Variants in GPN2 observed in about 807,000 individuals in gnomAD.
The protein encoded by GPN2 is ATP-binding domain 1 family member B.
GPN2 carries 27 observed loss-of-function variants against 30.1 expected under a neutral mutation model. That is an observed-to-expected ratio of 0.90 (90% CI 0.66 to 1.24). The LOEUF is 1.24. GPN2 is among the 50% of genes most tolerant of loss of function. GPN2 has a pLI of 0.00. For missense variants in GPN2, 406 were observed against 405.4 expected (o/e 1.00, Z -0.01); for synonymous variants, 212 against 174.4 (o/e 1.22, Z -1.70).
chr1:26,885,299 C>G (rs1177543542), intron 3 of GPN2, among the ~76,000 whole-genome samples: 4 of 152,170 alleles, frequency 2.6e-5, no homozygotes, highest in Non-Finnish European at 4.4e-5. Flanking sequence ...GTGAGAGGCA[C>G]AGGGGTTGGG....
rs1486025149 is a variant in GPN2, at chr1:26,890,153, C to T, written c.-57G>A. ...ACAGGGAAAACGGGGCAGGTAGCCGCGCCGGAGACGAGACTGAGGGCGAGG... is the reference window on the plus strand; with the variant it reads ...ACAGGGAAAACGGGGCAGGTAGCCGTGCCGGAGACGAGACTGAGGGCGAGG... On this transcript the variant is annotated 5_prime_UTR_variant, in exon 1 of 5. Coordinates refer to ENST00000374135, the MANE Select transcript of GPN2 (RefSeq NM_018066.4). 3.6e-6 allele frequency: 5 copies of T among 1,402,426 alleles called. No individual in the cohort carries two copies. Among genetic ancestry groups the T allele is most frequent in the Non-Finnish European group, 4.7e-6 (5 of 1,064,892 alleles). The allele number at this position is 1,402,426 out of a possible 1,614,324, so 86.9% of individuals were successfully genotyped here.
Position 26,879,418 on chromosome 1 carries a change from C to A in GPN2, c.*259G>T. 1 of 493,432 alleles carries A rather than the reference C, an allele frequency of 2.0e-6. No homozygotes were observed. The highest frequency in any genetic ancestry group is 3.7e-6 in the Non-Finnish European group (1 of 271,120). The allele number at this position is 493,432 out of a possible 1,614,324, so 30.6% of individuals were successfully genotyped here. A position where few individuals can be genotyped will look rare whatever the true frequency, so the allele number is the denominator to read the frequency against. The stretch of plus-strand genomic sequence containing the variant: ...TCTTGTATTGTAGCACATTTCATCA[C>A]AGCCTGACTAGGACCAGTGCTCGAC... On this transcript the variant is annotated 3_prime_UTR_variant, in exon 5 of 5. Transcript: ENST00000374135.
intron 1 of GPN2, 22 bp from the exon 2 acceptor site, chr1:26,889,147 G>C: frequency 1.2e-6 from 2 of 1,604,610 alleles, no homozygotes; most frequent in Non-Finnish European, 1.7e-6. Flanking sequence ...TAGACAGGGT[G>C]AGAGTGGCCT....
At chr1:26,886,813 G>A (rs180804780) in intron 2 of GPN2, among the ~76,000 whole-genome samples, 18 of 150,280 alleles carry the variant, frequency 1.2e-4, no homozygotes, top group East Asian at 9.8e-4. Flanking sequence ...GCAAGACTCC[G>A]TCTCAAAAAA....
chr1:26,885,260 G>A (rs974558667), intron 3 of GPN2, among the ~76,000 whole-genome samples: 4 of 152,262 alleles, frequency 2.6e-5, no homozygotes, highest in Middle Eastern at 3.4e-3. Context: ...ATGCACCTGC[G>A]TCTCCCAGGT....
intron 3 of GPN2, 85 bp from the exon 4 acceptor site, chr1:26,884,375 T>TCTTG: frequency 7.2e-7 from 1 of 1,392,674 alleles, no homozygotes. Context: ...CCTTCCTCCA[T>TCTTG]CTTGCCTCTG....
intron 3 of GPN2, 81 bp downstream of exon 3, chr1:26,885,891 TC>T (rs2081888179): frequency 8.7e-7 from 1 of 1,144,268 alleles, no homozygotes; most frequent in Non-Finnish European, 1.3e-6. Context: ...CAAAGACCAT[TC>T]TTTAAGCCCT....
intron 2 of GPN2, chr1:26,886,350 A>T (rs1171830175): frequency 3.3e-6 from 2 of 607,946 alleles, no homozygotes; most frequent in African/African-American, 3.6e-5. Flanking sequence ...GACTGTTATG[A>T]AGATTAAATG....
Position 26,890,066 on chromosome 1 carries a change from C to T in GPN2, c.31G>A (p.Gly11Arg), listed in dbSNP as rs1384274013. The stretch of plus-strand genomic sequence containing the variant: ...CCCGGCGGGCCGATCACCGCCTGCC[C>T]GAAGGCCGTGGTCGGAGCGGCCCCT... MAGAAPTTAF[G>R]QAVIGPPGSG... The change falls in exon 1 of 5, where the codon GGG (glycine) becomes AGG (arginine). Residue 11 changes from glycine (G) to arginine (R), a missense_variant. Transcript: ENST00000374135. 2 of 1,568,544 alleles carry T rather than the reference C, an allele frequency of 1.3e-6. No homozygotes were observed. Among genetic ancestry groups the T allele is most frequent in the East Asian group, 2.3e-5 (1 of 44,170 alleles).
chr1:26,889,734 G>C lies in GPN2; in HGVS notation c.363C>G (p.His121Gln). ...CPGQVELCTH[H>Q]GALRSIFSQM... ...GGGAGAAGATGCTGCGCAAGGCGCC[G>C]TGATGCGTGCAGAGCTCCACCTGGC... Residue 121 changes from histidine to glutamine, a missense_variant, in exon 1 of 5, where the codon CAC becomes CAG. His to Gln is a conservative substitution (Grantham distance 24). Transcript: ENST00000374135. 2 of 1,608,370 alleles carry C rather than the reference G, an allele frequency of 1.2e-6. No individual in the cohort carries two copies. The highest frequency in any genetic ancestry group is 1.7e-6 in the Non-Finnish European group (2 of 1,176,592).
At position 26,876,957 on chromosome 1, in the gene GPN2, G is replaced by T. The variant is rs1470438018; in HGVS notation, c.*2720C>A. On this transcript the variant is annotated 3_prime_UTR_variant, in exon 5 of 5. Transcript: ENST00000374135. ...GGTGAGAGCTGGGGCCTCTGTGAGT[G>T]GCAAGCATCAAAACCCACGACCACA... 1 of 151,708 alleles carries T rather than the reference G, an allele frequency of 6.6e-6. No individual in the cohort carries two copies. 9.4% of individuals were successfully genotyped at this position (151,708 alleles called of 1,614,324 possible).
intron 4 of GPN2, among the ~76,000 whole-genome samples, chr1:26,880,818 T>C (rs944114613): frequency 7.3e-5 from 11 of 149,670 alleles, no homozygotes; most frequent in Admixed American, 4.6e-4. Flanking sequence ...TGAACCCCTA[T>C]GCCTTTGCAT....
intron 2 of GPN2, among the ~76,000 whole-genome samples, chr1:26,886,793 G>C (rs2081893307): frequency 6.6e-6 from 1 of 151,406 alleles, no homozygotes. Context: ...ACTCCAGCCT[G>C]GGCGACACAG....
rs890226317 is a variant in GPN2, at chr1:26,879,567, C to T, written c.*110G>A. On this transcript the variant is annotated 3_prime_UTR_variant, in exon 5 of 5. Coordinates refer to ENST00000374135, the MANE Select transcript of GPN2 (RefSeq NM_018066.4). ...AGAGCTGAATATCCCCTTGCCAGCCCGCCAGCTCTGGCTGGGAGGACTTGC... is the reference window on the plus strand; with the variant it reads ...AGAGCTGAATATCCCCTTGCCAGCCTGCCAGCTCTGGCTGGGAGGACTTGC... 4.2e-5 allele frequency: 35 copies of T among 826,918 alleles called. No individual in the cohort carries two copies. The East Asian group carries it at 4.8e-4, about 11-fold the overall frequency. The allele number at this position is 826,918 out of a possible 1,614,324, so 51.2% of individuals were successfully genotyped here. A position where few individuals can be genotyped will look rare whatever the true frequency, so the allele number is the denominator to read the frequency against.
chr1:26,884,127 T>C (rs1039046866), intron 4 of GPN2, 33 bp downstream of exon 4: 9 of 1,571,316 alleles, frequency 5.7e-6, no homozygotes, highest in Non-Finnish European at 7.8e-6. Context: ...TGTCTCACCC[T>C]CTCTGCTATG....
In GPN2 at chr1:26,879,448, T is replaced by C. The variant is rs1347307622; in HGVS notation, c.*229A>G. The stretch of plus-strand genomic sequence containing the variant: ...TGACTAGGACCAGTGCTCGACTTTC[T>C]GGTGGCAGGGCCCAGAGCTCACGGA... On this transcript the variant is annotated 3_prime_UTR_variant, in exon 5 of 5. Coordinates refer to ENST00000374135, the MANE Select transcript of GPN2 (RefSeq NM_018066.4). The C allele has an allele frequency of 3.7e-6, 2 of 545,642 alleles. No individual in the cohort carries two copies. Among genetic ancestry groups the C allele is most frequent in the Non-Finnish European group, 3.3e-6 (1 of 300,842 alleles). The allele number at this position is 545,642 out of a possible 1,614,324, so 33.8% of individuals were successfully genotyped here.
chr1:26,885,159 T>C (rs1005177993), intron 3 of GPN2, among the ~76,000 whole-genome samples: 9 of 152,208 alleles, frequency 5.9e-5, no homozygotes, highest in Non-Finnish European at 5.9e-5. Context: ...ATTGATATTA[T>C]AGAGTTCATC....
rs2081842484 is a variant in GPN2 at position 26,877,438 on chromosome 1, ACTAT to A, written c.*2235_*2238del. 6.6e-6 allele frequency: 1 copy of A among 152,234 alleles called. No homozygotes were observed. Among genetic ancestry groups the A allele is most frequent in the African/African-American group, 2.4e-5 (1 of 41,450 alleles). The allele number at this position is 152,234 out of a possible 1,614,324, so 9.4% of individuals were successfully genotyped here. ...TGCCAACTGCCCAAACCACTGGTGA[ACTAT>A]CTATGATTCAGTAATACTTTACAGG... On this transcript the variant is annotated 3_prime_UTR_variant, in exon 5 of 5. Coordinates refer to ENST00000374135, the MANE Select transcript of GPN2 (RefSeq NM_018066.4).
chr1:26,888,525 T>C (rs535998761), intron 2 of GPN2, among the ~76,000 whole-genome samples: 7 of 152,330 alleles, frequency 4.6e-5, no homozygotes, highest in African/African-American at 9.6e-5. Flanking sequence ...TGCCTCTGCA[T>C]AGAACAGTCC....
Sources: gnomAD v4.1 joint callset for allele counts (sites outside exome capture counted in the v4.1 genomes callset) on GRCh38, gnomAD v4.1.1 for gene constraint, MANE v1.5 for transcripts, NCBI Gene and HGNC (gene_info 2026-07-23, HGNC 2026-07-21) for gene names.